The following PLD5 variants were observed in gnomAD, a reference collection of about 807,000 sequenced individuals.
The protein encoded by PLD5 is inactive phospholipase D5.
PLD5 carries 36 observed loss-of-function variants against 61.1 expected under a neutral mutation model. That is an observed-to-expected ratio of 0.59 (90% CI 0.45 to 0.78). The LOEUF (loss-of-function observed/expected upper bound fraction) is 0.78, where lower values mean the gene tolerates loss of function less well. Ranked by LOEUF, PLD5 falls within the 30% of genes least tolerant of loss-of-function variation. The probability of loss-of-function intolerance (pLI) is 0.00; values close to 1 mark genes in which losing one functional copy is unlikely to be tolerated. For synonymous variants in PLD5, 243 were observed against 242.8 expected (o/e 1.00, Z -0.01); for missense variants, 515 against 644.4 (o/e 0.80, Z 2.17).
intron 1 of PLD5, among the ~76,000 whole-genome samples, chr1:242,401,707 C>T (rs748317653): frequency 2.2e-4 from 33 of 152,288 alleles, no homozygotes; most frequent in Non-Finnish European, 4.0e-4. Context: ...GTCACCTCCT[C>T]GGAGAAGCTA....
At chr1:242,429,236 A>G (rs943115870) in intron 1 of PLD5, among the ~76,000 whole-genome samples, 4 of 152,250 alleles carry the variant, frequency 2.6e-5, no homozygotes, top group African/African-American at 9.6e-5. Context: ...CAACTTTAAC[A>G]TCTGCCAAAG....
chr1:242,244,725 G>A (rs779922189), intron 4 of PLD5, among the ~76,000 whole-genome samples: 1 of 152,212 alleles, frequency 6.6e-6, no homozygotes, highest in African/African-American at 2.4e-5. Context: ...CAGGGGTCAA[G>A]ACCTCAACTT....
At chr1:242,180,951 C>T (rs943786255) in intron 5 of PLD5, among the ~76,000 whole-genome samples, 1 of 152,020 alleles carries the variant, frequency 6.6e-6, no homozygotes, top group African/African-American at 2.4e-5. Context: ...CCACTGCACT[C>T]CAGCCTGGGT....
chr1:242,298,606 CA>C (rs1045784641), intron 2 of PLD5, among the ~76,000 whole-genome samples: 1 of 152,130 alleles, frequency 6.6e-6, no homozygotes, highest in African/African-American at 2.4e-5. Flanking sequence ...AGGAACTAAG[CA>C]GAGTGATTTT....
chr1:242,149,184 T>C (rs1664751691), intron 5 of PLD5, among the ~76,000 whole-genome samples: 1 of 151,948 alleles, frequency 6.6e-6, no homozygotes. Flanking sequence ...CTTTTAACTC[T>C]AGTTTTCTGA....
chr1:242,089,417 TAAACAC>T lies in PLD5; in HGVS notation c.*431_*436del. 6 of 403,366 alleles carry T rather than the reference TAAACAC, an allele frequency of 1.5e-5. No homozygotes were observed. The highest frequency in any genetic ancestry group is 1.2e-4 in the South Asian group (1 of 8,254). 25.0% of individuals were successfully genotyped at this position (403,366 alleles called of 1,614,324 possible). ...AGGTCTTGGAGACGATTTACAAGAATAAACACTTGGTTTTATCAGTCTCTTCTCCAA... is the reference window on the plus strand; with the variant it reads ...AGGTCTTGGAGACGATTTACAAGAATTTGGTTTTATCAGTCTCTTCTCCAA... On this transcript the variant is annotated 3_prime_UTR_variant, in exon 10 of 10. Transcript: ENST00000536534.
At chr1:242,372,256 T>G (rs1354094372) in intron 1 of PLD5, among the ~76,000 whole-genome samples, 4 of 152,210 alleles carry the variant, frequency 2.6e-5, no homozygotes, top group Non-Finnish European at 4.4e-5. Flanking sequence ...GCACAGCTAT[T>G]TCCACACACC....
At chr1:242,128,016 C>G (rs1415206590) in intron 5 of PLD5, among the ~76,000 whole-genome samples, 1 of 152,132 alleles carries the variant, frequency 6.6e-6, no homozygotes, top group Non-Finnish European at 1.5e-5. Context: ...TTTGCTCACA[C>G]GTGGCAAACA....
chr1:242,246,478 A>AACACACACACACACAC (rs34723926), intron 4 of PLD5, among the ~76,000 whole-genome samples: 2,930 of 141,138 alleles, frequency 0.021, 62 homozygotes, highest in Middle Eastern at 0.062. Flanking sequence ...TAGAAAAGAC[A>AACACACACACACACAC]ACACACACAC....
rs150011043 is a variant in PLD5 at position 242,137,575 on chromosome 1, T to C, written c.736-12910A>G. ...GGTGGAAATGTTTCCAGCAATCTTG[T>C]AGGGGGAAATGTGTTGAAGATTTTC... On this transcript the variant is annotated intron_variant, in intron 5 of 9. Transcript: ENST00000536534. 2.2e-3 allele frequency among the ~76,000 whole-genome samples: 339 copies of C among 152,212 alleles called. 2 individuals carry two copies. The highest frequency in any genetic ancestry group is 7.4e-3 in the African/African-American group (309 of 41,530).
intron 1 of PLD5, among the ~76,000 whole-genome samples, chr1:242,396,702 C>A (rs1663601969): frequency 1.5e-5 from 2 of 133,410 alleles, no homozygotes; most frequent in Admixed American, 1.6e-4. Flanking sequence ...GAGACGGAGT[C>A]TCACTCTGTC....
At chr1:242,449,503 T>G in intron 1 of PLD5, 1 of 1,511,942 alleles carries the variant, frequency 6.6e-7, no homozygotes, top group Non-Finnish European at 8.8e-7. Flanking sequence ...TTTCAGTCCC[T>G]CAATTGCTGG....
chr1:242,240,689 A>C (rs1258209246), intron 4 of PLD5, among the ~76,000 whole-genome samples: 4 of 152,190 alleles, frequency 2.6e-5, no homozygotes, highest in African/African-American at 7.2e-5. Flanking sequence ...TGCAAAAAAA[A>C]CAAAAAATAT....
rs937858388 is a variant in PLD5, at chr1:242,383,410, T to C, written c.190-35168A>G. Among the ~76,000 whole-genome samples the C allele has an allele frequency of 2.6e-4, 40 of 152,072 alleles. 1 individual carries two copies. Among genetic ancestry groups the C allele is most frequent in the African/African-American group, 8.9e-4 (37 of 41,440 alleles). ...TCCTCATTTTTATATCAAAACCCCT[T>C]TTCTCTTTTTCCTTGTTTTTCATTT... is the stretch of plus-strand genomic sequence containing the variant. On this transcript the variant is annotated intron_variant, in intron 1 of 9. Transcript: ENST00000536534.
intron 1 of PLD5, chr1:242,449,457 G>A (rs769575140): frequency 1.6e-4 from 246 of 1,534,480 alleles, no homozygotes; most frequent in Middle Eastern, 5.0e-4. Flanking sequence ...GGCAGAGAAT[G>A]TTTCATGTGG....
chr1:242,432,105 T>C lies in PLD5; in HGVS notation c.190-83863A>G, dbSNP rs920451887. 3.5e-4 allele frequency among the ~76,000 whole-genome samples: 53 copies of C among 152,346 alleles called. 1 individual carries two copies. Among genetic ancestry groups the C allele is most frequent in the African/African-American group, 1.3e-3 (53 of 41,586 alleles). The stretch of plus-strand genomic sequence containing the variant: ...ATGAAAGTGATAAAACTACATGTTC[T>C]AATTAGTGCTGCATTGTGACTGATA... On this transcript the variant is annotated intron_variant, in intron 1 of 9. Transcript: ENST00000536534.
rs6673238 is a variant in PLD5 at position 242,404,147 on chromosome 1, T to C, written c.190-55905A>G. Among the ~76,000 whole-genome samples the C allele has an allele frequency of 2.9e-3, 441 of 152,158 alleles. 3 individuals are homozygous for C. Among genetic ancestry groups the C allele is most frequent in the African/African-American group, 9.9e-3 (411 of 41,498 alleles). On this transcript the variant is annotated intron_variant, in intron 1 of 9. Coordinates refer to ENST00000536534, the MANE Select transcript of PLD5 (RefSeq NM_001372062.1). ...GAGGAGAGGGACAGGAAACCAATGT[T>C]TATAAAGAGGTCAAAATTTAACACA...
At chr1:242,450,410 A>G (rs1465844953) in intron 1 of PLD5, among the ~76,000 whole-genome samples, 4 of 152,192 alleles carry the variant, frequency 2.6e-5, no homozygotes, top group African/African-American at 9.7e-5. Flanking sequence ...GAGTTAATAC[A>G]TTGATTTCCC....
In PLD5 at chr1:242,509,997, C is replaced by T. The variant is rs530555691; in HGVS notation, c.189+14091G>A. ...GCCTTGGAGCACTGGATTTTTGAAG[C>T]ATTTCAATGCCTATCCCACCATACT... On this transcript the variant is annotated intron_variant, in intron 1 of 9. Coordinates refer to ENST00000536534, the MANE Select transcript of PLD5 (RefSeq NM_001372062.1). Among the ~76,000 whole-genome samples, 7 of 152,318 alleles carry T rather than the reference C, an allele frequency of 4.6e-5. No individual in the cohort carries two copies. The South Asian group carries it at 1.2e-3, about 27-fold the overall frequency.
Sources: allele counts gnomAD v4.1 joint callset (sites outside exome capture counted in the v4.1 genomes callset), GRCh38; gene constraint gnomAD v4.1.1; transcripts MANE v1.5; gene names NCBI Gene and HGNC (gene_info 2026-07-23, HGNC 2026-07-21).